The following MS4A4A variants were observed in gnomAD, a reference collection of about 807,000 sequenced individuals.
MS4A4A encodes the protein membrane spanning 4-domains A4A.
In MS4A4A, 26 loss-of-function variants were observed where a neutral mutation model predicts 28.0. That is an observed-to-expected ratio of 0.93 (90% confidence interval 0.68 to 1.29). The LOEUF is 1.29. Ranked by LOEUF, MS4A4A falls within the 50% of genes most tolerant of loss-of-function variation. MS4A4A has a pLI of 0.00. For synonymous variants in MS4A4A, 86 were observed against 100.8 expected, an observed-to-expected ratio of 0.85 and a Z score of 0.88; for missense variants, 290 against 293.1, an observed-to-expected ratio of 0.99 and a Z score of 0.08.
At chr11:60,283,197 G>C (rs2084771615) in intron 1 of MS4A4A, among the ~76,000 whole-genome samples, 1 of 152,098 alleles carries the variant, frequency 6.6e-6, no homozygotes. Flanking sequence ...CTCCTGAGTA[G>C]CTGGGATTAC....
chr11:60,285,255 G>A (rs1017756699), intron 1 of MS4A4A, among the ~76,000 whole-genome samples: 2 of 152,140 alleles, frequency 1.3e-5, no homozygotes, highest in Admixed American at 6.5e-5. Flanking sequence ...TGTAATCCCA[G>A]CACTACTGGA....
At chr11:60,293,076 GA>G (rs2084872047) in intron 2 of MS4A4A, among the ~76,000 whole-genome samples, 1 of 151,676 alleles carries the variant, frequency 6.6e-6, no homozygotes, top group African/African-American at 2.4e-5. Context: ...TTTATTTTTT[GA>G]GATGGAGTCT....
intron 1 of MS4A4A, chr11:60,282,528 C>T (rs2084763704): frequency 8.2e-6 from 10 of 1,226,466 alleles, no homozygotes; most frequent in Non-Finnish European, 1.1e-5. Flanking sequence ...AAGATAGAGA[C>T]TATAAAATGC....
At chr11:60,280,762 G>GT in intron 1 of MS4A4A, 46 bp downstream of exon 1, 1 of 1,607,702 alleles carries the variant, frequency 6.2e-7, no homozygotes, top group Non-Finnish European at 8.5e-7. Flanking sequence ...CTGATGGCTT[G>GT]TTTCACTTCC....
At chr11:60,299,706 C>G (rs2084935738) in intron 3 of MS4A4A, among the ~76,000 whole-genome samples, 2 of 152,104 alleles carry the variant, frequency 1.3e-5, no homozygotes, top group South Asian at 4.1e-4. Flanking sequence ...CGTGATCCAC[C>G]CGCCTCAGCC....
At chr11:60,299,735 ACAAGCGTGTGCCACCACGCCCTGC>A (rs1337726392) in intron 3 of MS4A4A, among the ~76,000 whole-genome samples, 6 of 152,186 alleles carry the variant, frequency 3.9e-5, no homozygotes. Flanking sequence ...TGCTGGGATT[ACAAGCGTGTGCCACCACGCCCTGC>A]CAATAATTCT....
chr11:60,286,020 G>C (rs189503040), intron 1 of MS4A4A, among the ~76,000 whole-genome samples: 2 of 152,112 alleles, frequency 1.3e-5, no homozygotes, highest in Non-Finnish European at 2.9e-5. Context: ...CCCCCAGAGC[G>C]GCTGTCCATA....
chr11:60,306,751 C>T (rs998657051), intron 6 of MS4A4A, among the ~76,000 whole-genome samples: 1 of 152,324 alleles, frequency 6.6e-6, no homozygotes, highest in Admixed American at 6.5e-5. Flanking sequence ...TCCTTTCTCC[C>T]TCGAAGTGCA....
intron 1 of MS4A4A, chr11:60,282,460 A>G: frequency 1.4e-6 from 1 of 697,250 alleles, no homozygotes; most frequent in Non-Finnish European, 2.1e-6. Flanking sequence ...TTACCGTCAT[A>G]GGCTGACTAA....
At chr11:60,299,448 C>CTTTTTTTTTTTTT (rs5792179) in intron 3 of MS4A4A, among the ~76,000 whole-genome samples, 1 of 113,230 alleles carries the variant, frequency 8.8e-6, no homozygotes, top group Non-Finnish European at 1.7e-5. Flanking sequence ...AATTACAATT[C>CTTTTTTTTTTTTT]TTTTTTTTTT....
At chr11:60,306,702 T>C (rs1276647725) in intron 6 of MS4A4A, among the ~76,000 whole-genome samples, 1 of 152,228 alleles carries the variant, frequency 6.6e-6, no homozygotes, top group Non-Finnish European at 1.5e-5. Flanking sequence ...CTTAGAACTC[T>C]GCCTCGCACA....
At chr11:60,289,693 C>T (rs938339430) in intron 1 of MS4A4A, among the ~76,000 whole-genome samples, 1 of 151,636 alleles carries the variant, frequency 6.6e-6, no homozygotes, top group Non-Finnish European at 1.5e-5. Context: ...TCTAATCAGA[C>T]ATATTGTAGA....
chr11:60,288,395 A>C (rs2084821420), intron 1 of MS4A4A, among the ~76,000 whole-genome samples: 1 of 152,210 alleles, frequency 6.6e-6, no homozygotes, highest in Non-Finnish European at 1.5e-5. Flanking sequence ...TCACTCACCA[A>C]GGCATGGATG....
At chr11:60,281,490 G>T (rs1445105169) in intron 1 of MS4A4A, among the ~76,000 whole-genome samples, 1 of 151,976 alleles carries the variant, frequency 6.6e-6, no homozygotes, top group Non-Finnish European at 1.5e-5. Flanking sequence ...AGAATTCTTG[G>T]TTCCTAGCCC....
At chr11:60,304,125 A>T (rs2084977183) in intron 5 of MS4A4A, among the ~76,000 whole-genome samples, 1 of 152,216 alleles carries the variant, frequency 6.6e-6, no homozygotes, top group Non-Finnish European at 1.5e-5. Context: ...GGAAGATTAG[A>T]TTCTACAATT....
At chr11:60,298,837 T>C (rs907876668) in intron 3 of MS4A4A, among the ~76,000 whole-genome samples, 1 of 152,222 alleles carries the variant, frequency 6.6e-6, no homozygotes. Context: ...CTTTACTTAA[T>C]TGGTGAACTC....
At chr11:60,288,220 C>T (rs892657938) in intron 1 of MS4A4A, among the ~76,000 whole-genome samples, 18 of 152,214 alleles carry the variant, frequency 1.2e-4, no homozygotes, top group African/African-American at 3.1e-4. Flanking sequence ...AACTAGGTGG[C>T]GAAAGCCATG....
chr11:60,285,987 T>C (rs1409933248), intron 1 of MS4A4A, among the ~76,000 whole-genome samples: 1 of 152,178 alleles, frequency 6.6e-6, no homozygotes, highest in East Asian at 1.9e-4. Flanking sequence ...TCATCCCTTA[T>C]CTTCAATCGC....
Position 60,289,172 on chromosome 11 carries a change from G to T in MS4A4A, c.42-3053G>T, listed in dbSNP as rs539777529. 1.1e-4 allele frequency among the ~76,000 whole-genome samples: 16 copies of T among 152,294 alleles called. No individual in the cohort carries two copies. In the South Asian group the frequency reaches 2.7e-3, roughly 26 times the overall value. Reference sequence around the variant, plus strand: ...AGCAGTGATTCGTTTCCAAGAAGGGGCAACACAGTAGCAGCTCAGGCCATG... The same window carrying T: ...AGCAGTGATTCGTTTCCAAGAAGGGTCAACACAGTAGCAGCTCAGGCCATG... On this transcript the variant is annotated intron_variant, in intron 1 of 6. Transcript: ENST00000337908.
Sources: allele counts gnomAD v4.1 joint callset (sites outside exome capture counted in the v4.1 genomes callset), GRCh38; gene constraint gnomAD v4.1.1; transcripts MANE v1.5; gene names NCBI Gene and HGNC (gene_info 2026-07-23, HGNC 2026-07-21).